The following CDH13 variants were observed in gnomAD, a reference collection of about 807,000 sequenced individuals.
CDH13 encodes cadherin 13.
In CDH13, 24 loss-of-function variants were observed where a neutral mutation model predicts 63.8. The observed-to-expected ratio is 0.38, with a 90% CI of 0.27 to 0.53. The LOEUF is 0.53. Among genes scored for constraint, CDH13 ranks in the 20% least tolerant of loss-of-function variants. CDH13 has a pLI of 0.85. For synonymous variants in CDH13, 503 were observed against 355.3 expected (o/e 1.42, Z -4.67); for missense variants, 1,049 against 903.1 (o/e 1.16, Z -2.07).
intron 13 of CDH13, among the ~76,000 whole-genome samples, chr16:83,794,759 G>A (rs1254727673): frequency 1.3e-5 from 2 of 152,000 alleles, no homozygotes; most frequent in South Asian, 2.1e-4. Flanking sequence ...CATTGGTAAC[G>A]GTGGTAATAG....
At chr16:83,781,795 A>G (rs911879914) in intron 12 of CDH13, among the ~76,000 whole-genome samples, 28 of 151,974 alleles carry the variant, frequency 1.8e-4, no homozygotes, top group African/African-American at 6.8e-4. Context: ...GGGGGTGAGC[A>G]TCAGGATAAA....
chr16:83,476,938 A>G (rs1414060020), intron 6 of CDH13, among the ~76,000 whole-genome samples: 3 of 152,200 alleles, frequency 2.0e-5, no homozygotes, highest in African/African-American at 4.8e-5. Flanking sequence ...AATGGTAGAT[A>G]AAAAGATTAA....
At chr16:83,518,441 G>A (rs565378480) in intron 7 of CDH13, among the ~76,000 whole-genome samples, 13 of 150,134 alleles carry the variant, frequency 8.7e-5, no homozygotes, top group Admixed American at 6.6e-4. Flanking sequence ...CACCGCGCCC[G>A]GCCAAGATGT....
intron 1 of CDH13, among the ~76,000 whole-genome samples, chr16:82,671,483 C>G (rs769480735): frequency 6.6e-6 from 1 of 152,178 alleles, no homozygotes; most frequent in Non-Finnish European, 1.5e-5. Context: ...CCAAATATTT[C>G]AAAATCAGTT....
chr16:83,051,655 C>G (rs992437641), intron 3 of CDH13, among the ~76,000 whole-genome samples: 1 of 152,218 alleles, frequency 6.6e-6, no homozygotes, highest in African/African-American at 2.4e-5. Context: ...CACAAACATG[C>G]CAAGTTCCCA....
chr16:83,598,230 TG>T, intron 7 of CDH13, among the ~76,000 whole-genome samples: 1 of 152,110 alleles, frequency 6.6e-6, no homozygotes, highest in East Asian at 1.9e-4. Context: ...CTGGGTGTGG[TG>T]GCGTGTGATT....
intron 2 of CDH13, among the ~76,000 whole-genome samples, chr16:82,947,606 T>C (rs1052675719): frequency 6.6e-6 from 1 of 152,204 alleles, no homozygotes; most frequent in Non-Finnish European, 1.5e-5. Context: ...AAGAACTCTT[T>C]ATTCAAGGAG....
At chr16:83,116,914 A>G (rs2035327598) in intron 3 of CDH13, among the ~76,000 whole-genome samples, 1 of 152,176 alleles carries the variant, frequency 6.6e-6, no homozygotes, top group South Asian at 2.1e-4. Flanking sequence ...CTGCAGGACA[A>G]TGTAGGTTCT....
intron 1 of CDH13, among the ~76,000 whole-genome samples, chr16:82,664,394 C>T (rs538528668): frequency 5.9e-5 from 9 of 152,248 alleles, no homozygotes; most frequent in East Asian, 3.9e-4. Context: ...CCTGAGAGAG[C>T]GAGGGTTGGG....
chr16:82,812,332 A>C (rs1425477630), intron 1 of CDH13, among the ~76,000 whole-genome samples: 2 of 152,180 alleles, frequency 1.3e-5, no homozygotes, highest in Non-Finnish European at 2.9e-5. Flanking sequence ...TGAAGCTTGC[A>C]TCCTATTTGA....
At chr16:83,540,111 CTGGAGTTCAGTGGA>C (rs965581916) in intron 7 of CDH13, among the ~76,000 whole-genome samples, 2 of 146,846 alleles carry the variant, frequency 1.4e-5, no homozygotes, top group African/African-American at 5.0e-5. Context: ...TGTCACCAGG[CTGGAGTTCAGTGGA>C]TCCATCTAGG....
intron 5 of CDH13, among the ~76,000 whole-genome samples, chr16:83,339,488 C>CT (rs1471367177): frequency 6.6e-6 from 1 of 152,168 alleles, no homozygotes; most frequent in Non-Finnish European, 1.5e-5. Context: ...GTATCAGACA[C>CT]TTTCATGTGT....
intron 4 of CDH13, among the ~76,000 whole-genome samples, chr16:83,195,667 C>T (rs930158742): frequency 2.6e-5 from 4 of 152,058 alleles, no homozygotes; most frequent in African/African-American, 7.3e-5. Flanking sequence ...GATTACAATT[C>T]GACATGAGAT....
intron 3 of CDH13, among the ~76,000 whole-genome samples, chr16:83,054,061 A>C (rs1037155829): frequency 6.6e-6 from 1 of 152,228 alleles, no homozygotes; most frequent in African/African-American, 2.4e-5. Context: ...TATTCAGCAC[A>C]GTAACATACT....
chr16:83,061,786 A>G (rs889252876), intron 3 of CDH13, among the ~76,000 whole-genome samples: 2 of 152,228 alleles, frequency 1.3e-5, no homozygotes, highest in African/African-American at 4.8e-5. Flanking sequence ...GGCACTTATG[A>G]AGAATCTGTG....
intron 2 of CDH13, among the ~76,000 whole-genome samples, chr16:83,028,448 C>T (rs1303547443): frequency 2.6e-5 from 4 of 152,078 alleles, no homozygotes; most frequent in Non-Finnish European, 4.4e-5. Context: ...CAAAAGGCAC[C>T]GCAGCGTGCA....
chr16:83,176,030 A>C (rs2038108802), intron 4 of CDH13, among the ~76,000 whole-genome samples: 1 of 150,082 alleles, frequency 6.7e-6, no homozygotes, highest in South Asian at 2.1e-4. Context: ...TTTTTTTTTC[A>C]GTAGAGACGG....
At chr16:83,238,202 C>G (rs955518166) in intron 5 of CDH13, among the ~76,000 whole-genome samples, 2 of 140,650 alleles carry the variant, frequency 1.4e-5, no homozygotes, top group Non-Finnish European at 1.5e-5. Flanking sequence ...TGAAGAAATA[C>G]CTGAGACTGG....
chr16:83,287,351 T>TAC (rs2151861958), intron 5 of CDH13, among the ~76,000 whole-genome samples: 1 of 152,308 alleles, frequency 6.6e-6, no homozygotes, highest in Non-Finnish European at 1.5e-5. Flanking sequence ...CTATGACCTG[T>TAC]TAGGAACCTG....
Sources: gnomAD v4.1 joint callset for allele counts (sites outside exome capture counted in the v4.1 genomes callset) on GRCh38, gnomAD v4.1.1 for gene constraint, MANE v1.5 for transcripts, NCBI Gene and HGNC (gene_info 2026-07-23, HGNC 2026-07-21) for gene names.